COL4A4: variants seen among roughly 807,000 people sequenced by gnomAD.
COL4A4 encodes the protein collagen alpha-4(IV) chain.
In COL4A4, 105 loss-of-function variants were observed where a neutral mutation model predicts 192.9. The ratio of observed to expected loss-of-function variants is 0.54; its 90% CI spans 0.46 to 0.64. The LOEUF is 0.64. Ranked by LOEUF, COL4A4 falls within the 30% of genes least tolerant of loss-of-function variation. The pLI, the probability that COL4A4 is intolerant of heterozygous loss-of-function variation, is 0.00. For synonymous variants in COL4A4, 762 were observed against 769.9 expected (o/e 0.99, Z 0.17); for missense variants, 1,967 against 2,169.3 (o/e 0.91, Z 1.85).
intron 4 of COL4A4, among the ~76,000 whole-genome samples, chr2:227,132,943 A>G (rs975883167): frequency 6.6e-6 from 1 of 152,152 alleles, no homozygotes; most frequent in Non-Finnish European, 1.5e-5. Flanking sequence ...AATTAGTCAG[A>G]CGTTACATTT....
intron 17 of COL4A4, 59 bp from the exon 18 acceptor site, chr2:227,099,748 G>T: frequency 7.0e-7 from 1 of 1,428,240 alleles, no homozygotes; most frequent in Non-Finnish European, 9.8e-7. Flanking sequence ...ATGTTGCCTG[G>T]CATTAAACCA....
At chr2:227,053,067 C>T (rs1157049671) in intron 31 of COL4A4, among the ~76,000 whole-genome samples, 1 of 151,320 alleles carries the variant, frequency 6.6e-6, no homozygotes, top group Non-Finnish European at 1.5e-5. Context: ...ACTCAGCAAA[C>T]ACTATAAACC....
intron 43 of COL4A4, among the ~76,000 whole-genome samples, chr2:227,025,495 T>C (rs1215782943): frequency 6.6e-6 from 1 of 152,196 alleles, no homozygotes; most frequent in Non-Finnish European, 1.5e-5. Context: ...GGAACTTACA[T>C]TGGTTATGTA....
At position 227,056,036 on chromosome 2, in the gene COL4A4, T is replaced by A. The variant is rs559787579; in HGVS notation, c.2625A>T (p.Pro875=). 2 of 1,614,030 alleles carry A rather than the reference T, an allele frequency of 1.2e-6. No homozygotes were observed. Among genetic ancestry groups the A allele is most frequent in the African/African-American group, 2.7e-5 (2 of 75,032 alleles). Residue 875 remains proline, a synonymous_variant, in exon 30 of 48, where the codon CCA becomes CCT. Coordinates refer to ENST00000396625, the MANE Select transcript of COL4A4 (RefSeq NM_000092.5). Reference sequence around the variant, plus strand: ...GGGGACCATGTGCCCCAGGCCGTCCTGGGAGTCCGGGGAGGCCTTTCATTC... The same window carrying A: ...GGGGACCATGTGCCCCAGGCCGTCCAGGGAGTCCGGGGAGGCCTTTCATTC... ...PAGMKGLPGL[P]GRPGAHGPPG... is the part of the protein sequence containing the mutation.
intron 17 of COL4A4, among the ~76,000 whole-genome samples, chr2:227,100,357 TATG>T (rs35257345): frequency 0.4 from 60,850 of 151,750 alleles, 12,449 homozygotes; most frequent in Non-Finnish European, 0.44. Context: ...ATGACACTGA[TATG>T]ATAATATGAT....
intron 1 of COL4A4, among the ~76,000 whole-genome samples, chr2:227,155,796 A>G (rs1254892826): frequency 6.6e-6 from 1 of 152,110 alleles, no homozygotes; most frequent in East Asian, 1.9e-4. Context: ...TTACTGAATA[A>G]AAGTAGAGCT....
intron 25 of COL4A4, among the ~76,000 whole-genome samples, chr2:227,063,840 CA>C (rs1340168405): frequency 1.3e-5 from 2 of 151,368 alleles, no homozygotes; most frequent in Non-Finnish European, 1.5e-5. Flanking sequence ...AATATATATA[CA>C]TATATGTAAT....
intron 19 of COL4A4, 117 bp downstream of exon 19, chr2:227,098,577 T>C (rs1049561832): frequency 1.3e-6 from 1 of 790,668 alleles, no homozygotes; most frequent in African/African-American, 1.7e-5. Flanking sequence ...GGCATCGGTA[T>C]TATTTTACAC....
chr2:227,041,838 A>AAGAAAGAAAGAAAGAAAG (rs1971244001), intron 37 of COL4A4, among the ~76,000 whole-genome samples: 3 of 41,622 alleles, frequency 7.2e-5, no homozygotes, highest in African/African-American at 3.6e-4. Context: ...GAAAGAAAGA[A>AAGAAAGAAAGAAAGAAAG]AGAAAGAAAG....
At chr2:227,105,504 T>A (rs146229094) in intron 12 of COL4A4, among the ~76,000 whole-genome samples, 6 of 152,324 alleles carry the variant, frequency 3.9e-5, no homozygotes, top group African/African-American at 1.4e-4. Flanking sequence ...CATCTCACTC[T>A]GGTTAGATTA....
chr2:227,146,801 G>A lies in COL4A4; in HGVS notation c.71+612C>T, dbSNP rs780524980. On this transcript the variant is annotated intron_variant, in intron 2 of 47. Coordinates refer to ENST00000396625, the MANE Select transcript of COL4A4 (RefSeq NM_000092.5). ...AGTTGCGTCTCTCTTGCTGCATCCCGCTGGCCTCTGTTTTTGTAGTCAAAG... is the reference window on the plus strand; with the variant it reads ...AGTTGCGTCTCTCTTGCTGCATCCCACTGGCCTCTGTTTTTGTAGTCAAAG... Among the ~76,000 whole-genome samples the A allele has an allele frequency of 1.6e-4, 25 of 152,096 alleles. No homozygotes were observed. The Middle Eastern group carries it at 0.014, about 83-fold the overall frequency.
chr2:227,100,662 A>G (rs1018324260), intron 17 of COL4A4, among the ~76,000 whole-genome samples: 1 of 152,152 alleles, frequency 6.6e-6, no homozygotes, highest in Non-Finnish European at 1.5e-5. Context: ...AATCTCCCAC[A>G]GATAACAAGG....
chr2:227,076,961 G>C (rs1348750051), intron 25 of COL4A4, among the ~76,000 whole-genome samples: 2 of 151,902 alleles, frequency 1.3e-5, no homozygotes, highest in Non-Finnish European at 2.9e-5. Context: ...GGCAGTTAGA[G>C]TAGAGATTAT....
intron 43 of COL4A4, 141 bp from the exon 44 acceptor site, chr2:227,022,314 G>T: frequency 8.6e-7 from 1 of 1,164,440 alleles, no homozygotes; most frequent in Non-Finnish European, 1.3e-6. Flanking sequence ...ATAAATGTTT[G>T]TAAAGATTCA....
the COL4A4 span, among the ~76,000 whole-genome samples, chr2:226,974,224 T>TA: frequency 1.3e-4 from 19 of 145,180 alleles, no homozygotes; most frequent in Non-Finnish European, 2.7e-4. Flanking sequence ...GTGTTGCCCT[T>TA]TTTTTATTTT....
In COL4A4 at chr2:227,005,182, A is replaced by G. The variant is rs1324055576; in HGVS notation, c.*2143T>C. ...TCACTGTGGAGTAAACTGTCTACAT[A>G]ATTTAGCCTGTCTTTGTGTGGGTTT... On this transcript the variant is annotated 3_prime_UTR_variant, in exon 48 of 48. Coordinates refer to ENST00000396625, the MANE Select transcript of COL4A4 (RefSeq NM_000092.5). The G allele has an allele frequency of 6.6e-6, 1 of 150,376 alleles. No homozygotes were observed. The highest frequency in any genetic ancestry group is 1.5e-5 in the Non-Finnish European group (1 of 67,672). 9.3% of individuals were successfully genotyped at this position (150,376 alleles called of 1,614,324 possible).
intron 26 of COL4A4, 83 bp downstream of exon 26, chr2:227,062,447 T>C: frequency 1.2e-6 from 1 of 864,084 alleles, no homozygotes. Flanking sequence ...GTCTGAGGAT[T>C]CACTCTTGGT....
At chr2:227,050,047 T>A (rs1241140219) in intron 34 of COL4A4, 21 bp downstream of exon 34, 2 of 1,610,186 alleles carry the variant, frequency 1.2e-6, no homozygotes, top group East Asian at 4.5e-5. Flanking sequence ...GACAGATGGC[T>A]TCTGTATCTC....
rs1972454541 is a variant in COL4A4 at position 227,045,829 on chromosome 2, TATACACACATATATATATAC to T, written c.3289+1626_3289+1645del. On this transcript the variant is annotated intron_variant, in intron 35 of 47. Transcript: ENST00000396625. ...ATATATATATATACACATATATATA[TATACACACATATATATATAC>T]ACATATATATATACACATATATATA... 4.0e-5 allele frequency among the ~76,000 whole-genome samples: 3 copies of T among 75,484 alleles called. 1 individual carries two copies. The highest frequency in any genetic ancestry group is 2.3e-4 in the African/African-American group (3 of 12,856). 49.5% of individuals were successfully genotyped at this position (75,484 alleles called of 152,430 possible). A position where few individuals can be genotyped will look rare whatever the true frequency, so the allele number is the denominator to read the frequency against.
Sources: gnomAD v4.1 joint callset for allele counts (sites outside exome capture counted in the v4.1 genomes callset) on GRCh38, gnomAD v4.1.1 for gene constraint, MANE v1.5 for transcripts, NCBI Gene and HGNC (gene_info 2026-07-23, HGNC 2026-07-21) for gene names.